Variants in OR8B8 observed in about 807,000 individuals in gnomAD.
The protein encoded by OR8B8 is olfactory receptor family 8 subfamily B member 8.
OR8B8 carries 8 observed loss-of-function variants against 10.5 expected under a neutral mutation model. That is an observed-to-expected ratio of 0.76 (90% CI 0.45 to 1.38). The LOEUF is 1.38. Among genes scored for constraint, OR8B8 ranks in the 40% most tolerant of loss-of-function variants. OR8B8 has a pLI of 0.00. For missense variants in OR8B8, 390 were observed against 380.5 expected (o/e 1.03, Z -0.21); for synonymous variants, 150 against 145.2 (o/e 1.03, Z -0.24).
At position 124,441,003 on chromosome 11, in the gene OR8B8, AAG is replaced by A. The variant is rs749841909; in HGVS notation, c.81_82del (p.Phe28LeufsTer37). The A allele has an allele frequency of 2.5e-6, 4 of 1,613,932 alleles. No homozygotes were observed. The East Asian group carries it at 8.9e-5, about 36-fold the overall frequency. ...CACGTAGAAGCCTAGAAACAGGAAGAAGAGGGGGATCTGGACTCCCGGTTGGT... is the reference window on the plus strand; with the variant it reads ...CACGTAGAAGCCTAGAAACAGGAAGAAGGGGGATCTGGACTCCCGGTTGGT... On this transcript the variant is annotated frameshift_variant, in exon 3 of 3. Coordinates refer to ENST00000642064, the MANE Select transcript of OR8B8 (RefSeq NM_012378.2). LOFTEE classifies it high-confidence loss of function.
intron 1 of OR8B8, among the ~76,000 whole-genome samples, chr11:124,443,596 T>C (rs1861498113): frequency 6.6e-6 from 1 of 152,224 alleles, no homozygotes. Context: ...TTTTAGCACA[T>C]GACAAGTCAC....
intron 1 of OR8B8, among the ~76,000 whole-genome samples, chr11:124,443,608 TA>T (rs1362900781): frequency 6.6e-6 from 1 of 152,250 alleles, no homozygotes; most frequent in Non-Finnish European, 1.5e-5. Flanking sequence ...ACAAGTCACA[TA>T]ACGCTGGCCC....
In OR8B8 at chr11:124,440,996, C is replaced by T. The variant is rs562962287; in HGVS notation, c.90G>A (p.Leu30=). 2.5e-6 allele frequency: 4 copies of T among 1,613,934 alleles called. No homozygotes were observed. The South Asian group carries it at 4.4e-5, about 18-fold the overall frequency. The part of the protein sequence containing the change: ...QPGVQIPLFF[L]FLGFYVVTVV... ...CAGTGACCACGTAGAAGCCTAGAAA[C>T]AGGAAGAAGAGGGGGATCTGGACTC... Residue 30 remains leucine, a synonymous_variant, in exon 3 of 3, where the codon CTG becomes CTA. Coordinates refer to ENST00000642064, the MANE Select transcript of OR8B8 (RefSeq NM_012378.2).
At position 124,441,115 on chromosome 11, in the gene OR8B8, G is replaced by A. The variant is rs909121289; in HGVS notation, c.-16-14C>T. On this transcript the variant is annotated splice_polypyrimidine_tract_variant and intron_variant, in intron 2 of 2. Transcript: ENST00000642064. ...ATTTAAGGCATTCTGTGGGGACAAG[G>A]GAAAAAGTTATTTAGAGAGAGAGAG... 5 of 1,551,344 alleles carry A rather than the reference G, an allele frequency of 3.2e-6. No homozygotes were observed. In the African/African-American group the frequency reaches 6.8e-5, roughly 21 times the overall value.
intron 2 of OR8B8, 120 bp downstream of exon 2, chr11:124,441,368 C>T (rs1012158227): frequency 3.8e-5 from 16 of 419,040 alleles, no homozygotes; most frequent in Admixed American, 3.3e-4. Context: ...AAACTGGGGC[C>T]AGTCTCCAGG....
At chr11:124,443,999 T>G (rs1861502871) in intron 1 of OR8B8, among the ~76,000 whole-genome samples, 1 of 152,230 alleles carries the variant, frequency 6.6e-6, no homozygotes, top group African/African-American at 2.4e-5. Context: ...TCATTCTTCT[T>G]AGTACATCAA....
intron 1 of OR8B8, among the ~76,000 whole-genome samples, chr11:124,444,454 A>G (rs1185497705): frequency 1.3e-5 from 2 of 152,350 alleles, no homozygotes; most frequent in East Asian, 3.9e-4. Context: ...ATTAGCCACG[A>G]CAAATCCTAC....
At position 124,440,940 on chromosome 11, in the gene OR8B8, A is replaced by G; in HGVS notation, c.146T>C (p.Ile49Thr). 6.2e-7 allele frequency: 1 copy of G among 1,614,146 alleles called. No homozygotes were observed. Among genetic ancestry groups the G allele is most frequent in the Admixed American group, 1.7e-5 (1 of 60,020 alleles). ...VVGNLGLITL[I>T]RLNSHLHTPM... ...GGTGTGCAAGTGAGAGTTGAGCCTTATCAGGGTTATCAAGCCCAGGTTCCC... is the reference window on the plus strand; with the variant it reads ...GGTGTGCAAGTGAGAGTTGAGCCTTGTCAGGGTTATCAAGCCCAGGTTCCC... The change falls in exon 3 of 3, where the codon ATA becomes ACA. Residue 49 changes from isoleucine to threonine, a missense_variant. Physicochemically the swap from Ile to Thr is moderately conservative, Grantham distance 89 (BLOSUM62 -1). Coordinates refer to ENST00000642064, the MANE Select transcript of OR8B8 (RefSeq NM_012378.2).
chr11:124,441,654 C>T (rs529118827), intron 1 of OR8B8, 31 bp from the exon 2 acceptor site: 74 of 155,248 alleles, frequency 4.8e-4, no homozygotes, highest in Non-Finnish European at 5.9e-4. Flanking sequence ...AGCACCAGCC[C>T]GCTAGGCCCT....
intron 2 of OR8B8, 119 bp from the exon 3 acceptor site, chr11:124,441,220 G>A: frequency 1.4e-6 from 1 of 702,440 alleles, no homozygotes; most frequent in Non-Finnish European, 2.3e-6. Flanking sequence ...AACTTCAGCA[G>A]AGGGGGCTTT....
At position 124,440,799 on chromosome 11, in the gene OR8B8, C is replaced by T. The variant is rs748007339; in HGVS notation, c.287G>A (p.Gly96Glu). ...AAAGAAGAAGAGCTGAGTCATACACCCTGCGTAGGAGATGCTGTTCTTCTT... is the reference window on the plus strand; with the variant it reads ...AAAGAAGAAGAGCTGAGTCATACACTCTGCGTAGGAGATGCTGTTCTTCTT... ...VLKKNSISYAGCMTQLFFFLF... is the reference protein window; with the variant it reads ...VLKKNSISYAECMTQLFFFLF... The change falls in exon 3 of 3, where the codon GGG becomes GAG. Residue 96 changes from glycine to glutamate, a missense_variant. Physicochemically the swap from Gly to Glu is moderately conservative, Grantham distance 98 (BLOSUM62 -2). Transcript: ENST00000642064. 8.1e-6 allele frequency: 13 copies of T among 1,614,010 alleles called. No homozygotes were observed. Among genetic ancestry groups the T allele is most frequent in the Non-Finnish European group, 1.1e-5 (13 of 1,180,028 alleles).
rs183821703 is a variant in OR8B8 at position 124,445,587 on chromosome 11, C to T, written c.-164G>A. The T allele has an allele frequency of 4.8e-4, 73 of 151,932 alleles. No homozygotes were observed. Among genetic ancestry groups the T allele is most frequent in the African/African-American group, 1.6e-3 (67 of 41,470 alleles). 9.4% of individuals were successfully genotyped at this position (151,932 alleles called of 1,614,324 possible). ...ACATTTGAACATACCTCAGAGCTTG[C>T]TCCTCTGCCACATGTGGAATGTATT... On this transcript the variant is annotated 5_prime_UTR_variant, in exon 1 of 3. Coordinates refer to ENST00000642064, the MANE Select transcript of OR8B8 (RefSeq NM_012378.2).
chr11:124,440,853 G>A lies in OR8B8; in HGVS notation c.233C>T (p.Thr78Ile). 3.1e-6 allele frequency: 5 copies of A among 1,614,088 alleles called. No homozygotes were observed. Among genetic ancestry groups the A allele is most frequent in the Non-Finnish European group, 4.2e-6 (5 of 1,179,932 alleles). Residue 78 changes from threonine (T) to isoleucine (I), a missense_variant, in exon 3 of 3, where the codon ACT (threonine) becomes ATT (isoleucine). By Grantham distance (89) the Thr-to-Ile change is moderately conservative. Coordinates refer to ENST00000642064, the MANE Select transcript of OR8B8 (RefSeq NM_012378.2). The stretch of plus-strand genomic sequence containing the variant: ...GACAAAGCTCATCAGCATTTTGGGA[G>A]TGATAACACTGGAATAGCAGAAATC... ...FIDFCYSSVI[T>I]PKMLMSFVLK... is the part of the protein sequence containing the mutation.
At position 124,440,566 on chromosome 11, in the gene OR8B8, C is replaced by T; in HGVS notation, c.520G>A (p.Val174Ile). 1 of 1,614,182 alleles carries T rather than the reference C, an allele frequency of 6.2e-7. No homozygotes were observed. Among genetic ancestry groups the T allele is most frequent in the South Asian group, 1.1e-5 (1 of 91,076 alleles). ...AGGATGTCACACATGTAGTGGTTGA[C>T]AAGGTTATTGGCACAGAAGGTCACA... Reference protein sequence around the residue: ...MGVTFCANNLVNHYMCDILPL... With the variant: ...MGVTFCANNLINHYMCDILPL... The change falls in exon 3 of 3, where the codon GTC (valine) becomes ATC (isoleucine). Residue 174 changes from valine to isoleucine, a missense_variant. By Grantham distance (29) the Val-to-Ile change is conservative. Transcript: ENST00000642064.
At chr11:124,444,786 T>A (rs1263786223) in intron 1 of OR8B8, among the ~76,000 whole-genome samples, 1 of 152,094 alleles carries the variant, frequency 6.6e-6, no homozygotes, top group African/African-American at 2.4e-5. Context: ...ATGAAATGCA[T>A]ATATCCTAGG....
At chr11:124,441,444 G>T in intron 2 of OR8B8, 44 bp downstream of exon 2, 1 of 255,614 alleles carries the variant, frequency 3.9e-6, no homozygotes, top group Non-Finnish European at 7.6e-6. Flanking sequence ...GGGTCATCCT[G>T]GACAGAGCAG....
Position 124,440,969 on chromosome 11 carries a change from C to T in OR8B8, c.117G>A (p.Val39=). The T allele has an allele frequency of 1.2e-6, 2 of 1,614,000 alleles. No individual in the cohort carries two copies. Among genetic ancestry groups the T allele is most frequent in the Non-Finnish European group, 1.7e-6 (2 of 1,180,018 alleles). ...FLFLGFYVVT[V]VGNLGLITLI... is the part of the protein sequence containing the mutation. ...GGGTTATCAAGCCCAGGTTCCCCAC[C>T]ACAGTGACCACGTAGAAGCCTAGAA... Residue 39 remains valine (V), a synonymous_variant, in exon 3 of 3, where the codon GTG becomes GTA. Coordinates refer to ENST00000642064, the MANE Select transcript of OR8B8 (RefSeq NM_012378.2).
chr11:124,444,077 T>G (rs1165645640), intron 1 of OR8B8, among the ~76,000 whole-genome samples: 3 of 152,192 alleles, frequency 2.0e-5, no homozygotes, highest in African/African-American at 7.2e-5. Flanking sequence ...TTTATTGGTT[T>G]TCTATACTTC....
In OR8B8 at chr11:124,438,041, T is replaced by C. The variant is rs889729463; in HGVS notation, c.*2109A>G. 15 of 152,072 alleles carry C rather than the reference T, an allele frequency of 9.9e-5. No homozygotes were observed. Among genetic ancestry groups the C allele is most frequent in the South Asian group, 2.1e-4 (1 of 4,810 alleles). 9.4% of individuals were successfully genotyped at this position (152,072 alleles called of 1,614,324 possible). ...AGTGCTGATATTAAAAGGAAAAGGA[T>C]CTGGCAGGGACAGAAACAAATTTAC... On this transcript the variant is annotated 3_prime_UTR_variant, in exon 3 of 3. Transcript: ENST00000642064.
Sources: allele counts gnomAD v4.1 joint callset (sites outside exome capture counted in the v4.1 genomes callset), GRCh38; gene constraint gnomAD v4.1.1; transcripts MANE v1.5; gene names NCBI Gene and HGNC (gene_info 2026-07-23, HGNC 2026-07-21).